Variants in ZMAT5 observed in about 807,000 individuals in gnomAD.
ZMAT5 encodes zinc finger matrin-type 5, also known as zinc finger matrin-type protein 5.
ZMAT5 carries 23 observed loss-of-function variants against 28.0 expected under a neutral mutation model. The observed-to-expected ratio is 0.82, with a 90% CI of 0.59 to 1.16. ZMAT5 has a LOEUF of 1.16. ZMAT5 is among the 50% of genes most tolerant of loss of function. The probability of loss-of-function intolerance (pLI) is 0.00; values close to 1 mark genes in which losing one functional copy is unlikely to be tolerated. For missense variants in ZMAT5, 173 were observed against 212.7 expected (o/e 0.81, Z 1.16); for synonymous variants, 76 against 84.1 (o/e 0.90, Z 0.52).
intron 5 of ZMAT5, 43 bp from the exon 6 acceptor site, chr22:29,731,397 A>G: frequency 6.6e-7 from 1 of 1,526,608 alleles, no homozygotes; most frequent in Non-Finnish European, 8.7e-7. Flanking sequence ...AGTGCACTAC[A>G]GCCCAGGCTT....
intron 5 of ZMAT5, among the ~76,000 whole-genome samples, chr22:29,733,151 G>A (rs948036916): frequency 1.3e-5 from 2 of 152,174 alleles, no homozygotes; most frequent in South Asian, 2.1e-4. Flanking sequence ...GCCCCACATC[G>A]GCTGCAGACA....
intron 2 of ZMAT5, among the ~76,000 whole-genome samples, chr22:29,744,847 G>A (rs1228843334): frequency 1.3e-5 from 2 of 152,210 alleles, no homozygotes; most frequent in Admixed American, 1.3e-4. Flanking sequence ...ACTCTGAAGT[G>A]TACTCAGGGT....
chr22:29,752,833 G>A (rs1048610656), intron 1 of ZMAT5, among the ~76,000 whole-genome samples: 2 of 152,160 alleles, frequency 1.3e-5, no homozygotes, highest in African/African-American at 4.8e-5. Flanking sequence ...GAGAGCCACC[G>A]CACCAAGCCG....
rs201945154 is a variant in ZMAT5 at position 29,748,514 on chromosome 22, C to G, written c.31G>C (p.Asp11His). 1.7e-5 allele frequency: 27 copies of G among 1,614,088 alleles called. No individual in the cohort carries two copies. Among genetic ancestry groups the G allele is most frequent in the Non-Finnish European group, 2.3e-5 (27 of 1,180,052 alleles). Reference protein sequence around the residue: MGKRYFCDYCDRSFQDNLHNR... With the variant: MGKRYFCDYCHRSFQDNLHNR... The stretch of plus-strand genomic sequence containing the variant: ...TGGAGGTTGTCCTGGAAGGAGCGGT[C>G]GCAGTAGTCACAGAAGTATCGCTTC... Residue 11 changes from aspartate (D) to histidine (H), a missense_variant, in exon 2 of 6, where the codon GAC becomes CAC. By Grantham distance (81) the Asp-to-His change is moderately conservative (BLOSUM62 -1). Coordinates refer to ENST00000344318, the MANE Select transcript of ZMAT5 (RefSeq NM_001003692.2).
chr22:29,764,838 C>T (rs893782811), intron 1 of ZMAT5, among the ~76,000 whole-genome samples: 1 of 151,936 alleles, frequency 6.6e-6, no homozygotes, highest in African/African-American at 2.4e-5. Flanking sequence ...TCTCACTATA[C>T]GGCCCAGGCT....
At chr22:29,765,455 T>G (rs977340192) in intron 1 of ZMAT5, among the ~76,000 whole-genome samples, 1 of 151,702 alleles carries the variant, frequency 6.6e-6, no homozygotes, top group African/African-American at 2.4e-5. Flanking sequence ...AACTTAGATA[T>G]CCTCCTCAAT....
At chr22:29,737,119 C>T (rs1003062980) in intron 5 of ZMAT5, among the ~76,000 whole-genome samples, 5 of 151,588 alleles carry the variant, frequency 3.3e-5, no homozygotes, top group Admixed American at 6.6e-5. Flanking sequence ...CACCTGAAGT[C>T]GGGAGTTCAA....
chr22:29,734,072 A>G (rs905357846), intron 5 of ZMAT5, among the ~76,000 whole-genome samples: 1 of 152,218 alleles, frequency 6.6e-6, no homozygotes, highest in African/African-American at 2.4e-5. Flanking sequence ...CCAGGATGGC[A>G]GCGCCCGCCC....
At chr22:29,743,111 A>T (rs544359538) in intron 2 of ZMAT5, among the ~76,000 whole-genome samples, 6 of 152,164 alleles carry the variant, frequency 3.9e-5, no homozygotes, top group Non-Finnish European at 5.9e-5. Flanking sequence ...ATAATACTTT[A>T]AAAAAATCCT....
At chr22:29,743,344 C>T (rs997542659) in intron 2 of ZMAT5, among the ~76,000 whole-genome samples, 12 of 152,154 alleles carry the variant, frequency 7.9e-5, no homozygotes, top group Non-Finnish European at 1.5e-4. Context: ...CAGCCACCGC[C>T]GCGGACAGGA....
intron 5 of ZMAT5, among the ~76,000 whole-genome samples, chr22:29,733,179 C>T (rs891895883): frequency 1.3e-5 from 2 of 152,232 alleles, no homozygotes; most frequent in African/African-American, 4.8e-5. Flanking sequence ...CCCACTTCAG[C>T]TCCCTCTGCT....
In ZMAT5 at chr22:29,731,052, C is replaced by T. The variant is rs2067836636; in HGVS notation, c.*173G>A. ...GTGGAGGAGAGTGAGGGGAGAGCTG[C>T]CCGGTGCAGACCCAGGACGAGGGCT... On this transcript the variant is annotated 3_prime_UTR_variant, in exon 6 of 6. Transcript: ENST00000344318. The T allele has an allele frequency of 6.9e-6, 4 of 578,356 alleles. No individual in the cohort carries two copies. Among genetic ancestry groups the T allele is most frequent in the Non-Finnish European group, 8.4e-6 (3 of 359,014 alleles). 35.8% of individuals were successfully genotyped at this position (578,356 alleles called of 1,614,324 possible).
chr22:29,760,594 T>C (rs565266454), intron 1 of ZMAT5, among the ~76,000 whole-genome samples: 38 of 152,238 alleles, frequency 2.5e-4, no homozygotes, highest in Non-Finnish European at 4.0e-4. Context: ...ATTTAGCAGA[T>C]CTGGAGGGGG....
At chr22:29,742,728 G>C (rs1171408438) in intron 2 of ZMAT5, among the ~76,000 whole-genome samples, 2 of 152,214 alleles carry the variant, frequency 1.3e-5, no homozygotes, top group Non-Finnish European at 2.9e-5. Flanking sequence ...CAAGGACCAA[G>C]TTTCATGCCA....
intron 5 of ZMAT5, among the ~76,000 whole-genome samples, chr22:29,733,356 G>A (rs904709166): frequency 6.6e-6 from 1 of 152,170 alleles, no homozygotes; most frequent in African/African-American, 2.4e-5. Context: ...GAGGTGGAGA[G>A]CCGGGGTCAG....
intron 2 of ZMAT5, among the ~76,000 whole-genome samples, chr22:29,744,400 T>C (rs1373883753): frequency 6.6e-6 from 1 of 150,738 alleles, no homozygotes; most frequent in East Asian, 2.0e-4. Flanking sequence ...GGGTGTGGTC[T>C]GCTGGGATAA....
chr22:29,738,415 GTAGCCACTCCC>G lies in ZMAT5; in HGVS notation c.287_297del (p.Arg96ThrfsTer5). The G allele has an allele frequency of 6.2e-7, 1 of 1,609,864 alleles. No homozygotes were observed. The highest frequency in any genetic ancestry group is 1.3e-5 in the African/African-American group (1 of 74,832). On this transcript the variant is annotated frameshift_variant, in exon 5 of 6. Coordinates refer to ENST00000344318, the MANE Select transcript of ZMAT5 (RefSeq NM_001003692.2). LOFTEE classifies it high-confidence loss of function. ...CCCTCGGGGAGCTCAGGAGCATCTA[GTAGCCACTCCC>G]TGGCTCGCCTCTCCTCTGTGGGGAC...
chr22:29,766,103 C>G (rs892832588), intron 1 of ZMAT5, among the ~76,000 whole-genome samples: 1 of 152,156 alleles, frequency 6.6e-6, no homozygotes, highest in Admixed American at 6.5e-5. Flanking sequence ...TGCTTGAGCC[C>G]AGGAGTTGGA....
At position 29,731,347 on chromosome 22, in the gene ZMAT5, G is replaced by A. The variant is rs113663266; in HGVS notation, c.391C>T (p.Pro131Ser). 1.9e-5 allele frequency: 29 copies of A among 1,545,522 alleles called. No individual in the cohort carries two copies. The African/African-American group carries it at 3.4e-4, about 18-fold the overall frequency. The change falls in exon 6 of 6, where the codon CCC becomes TCC. Residue 131 changes from proline (P) to serine (S), a missense_variant. Physicochemically the swap from Pro to Ser is moderately conservative, Grantham distance 74. Coordinates refer to ENST00000344318, the MANE Select transcript of ZMAT5 (RefSeq NM_001003692.2). Reference sequence around the variant, plus strand: ...TACTGGAAGACAGTGGTTCTGATGGGTTCAGCCCTAGAGAGAGAGAGAGAA... The same window carrying A: ...TACTGGAAGACAGTGGTTCTGATGGATTCAGCCCTAGAGAGAGAGAGAGAA... ...LSSAPSSRAE[P>S]IRTTVFQYPV...
Sources: allele counts gnomAD v4.1 joint callset (sites outside exome capture counted in the v4.1 genomes callset), GRCh38; gene constraint gnomAD v4.1.1; transcripts MANE v1.5; gene names NCBI Gene and HGNC (gene_info 2026-07-23, HGNC 2026-07-21).